Variants in PRDM2 observed in about 807,000 individuals in gnomAD.
The protein encoded by PRDM2 is PR/SET domain 2.
In PRDM2, 30 loss-of-function variants were observed where a neutral mutation model predicts 130.0. That is an observed-to-expected ratio of 0.23 (90% CI 0.17 to 0.31). The LOEUF is 0.31. Ranked by LOEUF, PRDM2 falls within the 10% of genes least tolerant of loss-of-function variation. The pLI is 1.00. For missense variants in PRDM2, 2,011 were observed against 2,108.4 expected, an observed-to-expected ratio of 0.95 and a Z score of 0.90; for synonymous variants, 871 against 782.4, an observed-to-expected ratio of 1.11 and a Z score of -1.89.
intron 6 of PRDM2, chr1:13,772,036 G>A (rs956633903): frequency 2.6e-5 from 4 of 152,170 alleles, no homozygotes; most frequent in African/African-American, 9.7e-5. Flanking sequence ...GCTTTAAGTC[G>A]TTTTTAGTTT....
intron 8 of PRDM2, among the ~76,000 whole-genome samples, chr1:13,810,303 T>A (rs1382565951): frequency 2.0e-5 from 3 of 152,196 alleles, no homozygotes; most frequent in Non-Finnish European, 4.4e-5. Context: ...CTTTCCCGCT[T>A]CCAGGGAAGT....
In PRDM2 at chr1:13,746,493, T is replaced by C. The variant is rs553469538; in HGVS notation, c.385-2868T>C. Among the ~76,000 whole-genome samples, 36 of 151,716 alleles carry C rather than the reference T, an allele frequency of 2.4e-4. 1 individual carries two copies. In the South Asian group the frequency reaches 7.5e-3, roughly 31 times the overall value. ...GCTCCGTAATATAACCATTTCAAGTTGCTAATAATTTTTGTTTTGTTTTCT... is the reference window on the plus strand; with the variant it reads ...GCTCCGTAATATAACCATTTCAAGTCGCTAATAATTTTTGTTTTGTTTTCT... On this transcript the variant is annotated intron_variant, in intron 5 of 9. Coordinates refer to ENST00000311066, the MANE Select transcript of PRDM2 (RefSeq NM_001393986.1).
At chr1:13,707,813 C>T (rs1470251840) in intron 1 of PRDM2, among the ~76,000 whole-genome samples, 1 of 148,040 alleles carries the variant, frequency 6.8e-6, no homozygotes, top group Non-Finnish European at 1.5e-5. Context: ...GGAAAATTGA[C>T]AATAATTCTT....
intron 4 of PRDM2, among the ~76,000 whole-genome samples, chr1:13,738,467 C>T (rs981309966): frequency 2.0e-5 from 3 of 152,160 alleles, no homozygotes; most frequent in Admixed American, 1.3e-4. Context: ...GCATTTGTTG[C>T]TGGGAGATTT....
chr1:13,765,464 A>C (rs912769552), intron 6 of PRDM2, among the ~76,000 whole-genome samples: 1 of 151,406 alleles, frequency 6.6e-6, no homozygotes, highest in African/African-American at 2.4e-5. Flanking sequence ...TCACTTGGCT[A>C]TTCTTTTGTT....
At chr1:13,758,334 C>T (rs1490305279) in intron 6 of PRDM2, among the ~76,000 whole-genome samples, 1 of 151,458 alleles carries the variant, frequency 6.6e-6, no homozygotes, top group Non-Finnish European at 1.5e-5. Flanking sequence ...GTAATACTAG[C>T]TACTCGGGAG....
intron 1 of PRDM2, among the ~76,000 whole-genome samples, chr1:13,713,959 C>T (rs1378570646): frequency 6.6e-6 from 1 of 152,160 alleles, no homozygotes; most frequent in African/African-American, 2.4e-5. Context: ...AGCTCCGCCT[C>T]CCGGGTTCAC....
chr1:13,791,945 T>C (rs1485643227), intron 8 of PRDM2, among the ~76,000 whole-genome samples: 1 of 152,178 alleles, frequency 6.6e-6, no homozygotes, highest in Non-Finnish European at 1.5e-5. Context: ...GGAAGACTGG[T>C]GCCTAAATGT....
At chr1:13,712,458 C>T (rs1003664756) in intron 1 of PRDM2, among the ~76,000 whole-genome samples, 1 of 152,224 alleles carries the variant, frequency 6.6e-6, no homozygotes, top group Admixed American at 6.5e-5. Flanking sequence ...GCTCCATCCT[C>T]CCATGCCCTC....
intron 9 of PRDM2, among the ~76,000 whole-genome samples, chr1:13,821,816 G>A (rs1645357258): frequency 6.6e-6 from 1 of 152,160 alleles, no homozygotes; most frequent in South Asian, 2.1e-4. Context: ...TCTGGACTAA[G>A]CACTGTGAAT....
intron 6 of PRDM2, among the ~76,000 whole-genome samples, chr1:13,754,548 A>T (rs1643904723): frequency 6.6e-6 from 1 of 152,258 alleles, no homozygotes; most frequent in Non-Finnish European, 1.5e-5. Flanking sequence ...TGCAGTTGAC[A>T]ACAACAGAAG....
At chr1:13,796,580 A>G (rs531550960) in intron 8 of PRDM2, among the ~76,000 whole-genome samples, 54 of 152,092 alleles carry the variant, frequency 3.6e-4, no homozygotes, top group Non-Finnish European at 3.4e-4. Flanking sequence ...ACATAGTGAG[A>G]CCCCATCTCT....
chr1:13,806,592 A>G lies in PRDM2; in HGVS notation c.5037-9835A>G, dbSNP rs1270004079. On this transcript the variant is annotated intron_variant, in intron 8 of 9. Transcript: ENST00000311066. The surrounding 1 kb of genome is among the most constrained non-coding windows in gnomAD (Gnocchi z 4.1). Reference sequence around the variant, plus strand: ...CCTCCATCCCCACATCCAGCTCATCAGCAGATCCCCAAACTCACCCGGAAT... The same window carrying G: ...CCTCCATCCCCACATCCAGCTCATCGGCAGATCCCCAAACTCACCCGGAAT... Among the ~76,000 whole-genome samples, 1 of 152,020 alleles carries G rather than the reference A, an allele frequency of 6.6e-6. No individual in the cohort carries two copies. The highest frequency in any genetic ancestry group is 6.6e-5 in the Admixed American group (1 of 15,250).
intron 2 of PRDM2, among the ~76,000 whole-genome samples, chr1:13,726,058 T>C (rs1338761142): frequency 1.3e-5 from 2 of 152,372 alleles, no homozygotes; most frequent in East Asian, 1.9e-4. Flanking sequence ...GGGCAAAGTT[T>C]AGTTTCATCT....
At position 13,781,236 on chromosome 1, in the gene PRDM2, A is replaced by T. The variant is rs1644606851; in HGVS notation, c.3441A>T (p.Lys1147Asn). 6.2e-7 allele frequency: 1 copy of T among 1,614,110 alleles called. No individual in the cohort carries two copies. Among genetic ancestry groups the T allele is most frequent in the Non-Finnish European group, 8.5e-7 (1 of 1,180,054 alleles). The change falls in exon 8 of 10, where the codon AAA (lysine) becomes AAT (asparagine). Residue 1147 changes from lysine (K) to asparagine (N), a missense_variant. By Grantham distance (94) the Lys-to-Asn change is moderately conservative. Around this residue, in one of 5 missense-constraint regions of PRDM2, gnomAD observed 229 missense variants for 364.1 expected, o/e 0.63. Transcript: ENST00000311066. This position sits in a 1 kb window ranked among gnomAD's most constrained non-coding sequence, Gnocchi z 6.1. ...NVCESPFLSIKDLTKHLSIHA... is the reference protein window; with the variant it reads ...NVCESPFLSINDLTKHLSIHA... ...GTGAATCACCTTTTCTTTCCATTAA[A>T]GATCTAACCAAACATTTATCTATTC...
At chr1:13,768,798 T>C (rs959873803) in intron 6 of PRDM2, among the ~76,000 whole-genome samples, 4 of 152,162 alleles carry the variant, frequency 2.6e-5, no homozygotes, top group Non-Finnish European at 5.9e-5. Context: ...CGTTGGGACT[T>C]TGGGGGCTTC....
At chr1:13,707,821 CTTTT>C (rs200792048) in intron 1 of PRDM2, among the ~76,000 whole-genome samples, 2 of 138,290 alleles carry the variant, frequency 1.4e-5, no homozygotes. Context: ...GACAATAATT[CTTTT>C]TTTTTTTTTT....
chr1:13,711,100 A>G (rs895254331), intron 1 of PRDM2, among the ~76,000 whole-genome samples: 1 of 139,878 alleles, frequency 7.1e-6, no homozygotes, highest in South Asian at 2.3e-4. Flanking sequence ...AAAAAAAAAA[A>G]GAGCATTTGG....
chr1:13,729,063 C>T (rs1569772114), intron 2 of PRDM2, among the ~76,000 whole-genome samples: 1 of 152,280 alleles, frequency 6.6e-6, no homozygotes, highest in African/African-American at 2.4e-5. Context: ...AGGCTTTGAG[C>T]CCTTTAAGCA....
Sources: gnomAD v4.1 joint callset for allele counts (sites outside exome capture counted in the v4.1 genomes callset) on GRCh38, gnomAD v4.1.1 for gene constraint, gnomAD v4.1.1 regional missense constraint, Gnocchi (gnomAD v3.1) non-coding constraint, MANE v1.5 for transcripts, NCBI Gene and HGNC (gene_info 2026-07-23, HGNC 2026-07-21) for gene names.